ELAC2: variants seen among roughly 807,000 people sequenced by gnomAD.
ELAC2 encodes elaC ribonuclease Z 2, also known as zinc phosphodiesterase ELAC protein 2.
ELAC2 carries 92 observed loss-of-function variants against 105.2 expected under a neutral mutation model. The observed-to-expected ratio is 0.87, with a 90% CI of 0.74 to 1.04. ELAC2 has a LOEUF of 1.04. ELAC2 is among the 50% of genes least tolerant of loss of function. The pLI, the probability that ELAC2 is intolerant of heterozygous loss-of-function variation, is 0.00. For missense variants in ELAC2, 1,099 were observed against 1,071.7 expected, an observed-to-expected ratio of 1.03 and a Z score of -0.36; for synonymous variants, 468 against 409.1, an observed-to-expected ratio of 1.14 and a Z score of -1.74.
In ELAC2 at chr17:13,006,082, T is replaced by C. The variant is rs577585265; in HGVS notation, c.739-103A>G. 608 of 1,273,796 alleles carry C rather than the reference T, an allele frequency of 4.8e-4. 14 individuals carry two copies. In the South Asian group the frequency reaches 7.0e-3, roughly 15 times the overall value. The allele number at this position is 1,273,796 out of a possible 1,614,324, so 78.9% of individuals were successfully genotyped here. ...ATTTTTCTAGATTAAAAAAAAATAA[T>C]AATGTTGGCCAGGCACGGTGGCTCA... On this transcript the variant is annotated intron_variant, in intron 8 of 23. Transcript: ENST00000338034.
chr17:13,018,001 C>A lies in ELAC2; in HGVS notation c.-54G>T. On this transcript the variant is annotated 5_prime_UTR_variant, in exon 1 of 24. Coordinates refer to ENST00000338034, the MANE Select transcript of ELAC2 (RefSeq NM_018127.7). ...CCGCCGGTCACCTACGCCCGCGTTT[C>A]CCGTGCACCACCTAGCCGCTCCGCA... 2 of 1,533,724 alleles carry A rather than the reference C, an allele frequency of 1.3e-6. No individual in the cohort carries two copies. Among genetic ancestry groups the A allele is most frequent in the South Asian group, 1.2e-5 (1 of 83,798 alleles).
chr17:13,014,496 C>T lies in ELAC2; in HGVS notation c.433G>A (p.Glu145Lys), dbSNP rs1339770063. The change falls in exon 5 of 24, where the codon GAA (glutamate) becomes AAA (lysine). Residue 145 changes from glutamate to lysine, a missense_variant and splice_region_variant. By Grantham distance (56) the Glu-to-Lys change is moderately conservative (BLOSUM62 1). Coordinates refer to ENST00000338034, the MANE Select transcript of ELAC2 (RefSeq NM_018127.7). Reference protein sequence around the residue: ...KCVLSGPPQLEKYLEAIKIFS... With the variant: ...KCVLSGPPQLKKYLEAIKIFS... ...ATTTTGATTGCTTCGAGGTATTTTT[C>T]CTAATGAAAAACAAAGAAATGAGCA... 3 of 1,611,846 alleles carry T rather than the reference C, an allele frequency of 1.9e-6. No homozygotes were observed. Among genetic ancestry groups the T allele is most frequent in the Non-Finnish European group, 2.5e-6 (3 of 1,178,254 alleles).
rs199813028 is a variant in ELAC2 at position 12,995,099 on chromosome 17, G to A, written c.1809-37C>T. 10 of 1,607,418 alleles carry A rather than the reference G, an allele frequency of 6.2e-6. No individual in the cohort carries two copies. In the Admixed American group the frequency reaches 8.3e-5, roughly 13 times the overall value. Reference sequence around the variant, plus strand: ...CAAAACATTTAAAATGATAATAAACGTTTCTTGGACATCTGGAACCAAAGT... The same window carrying A: ...CAAAACATTTAAAATGATAATAAACATTTCTTGGACATCTGGAACCAAAGT... On this transcript the variant is annotated intron_variant, in intron 19 of 23. Coordinates refer to ENST00000338034, the MANE Select transcript of ELAC2 (RefSeq NM_018127.7).
At chr17:13,010,290 C>A (rs1270895815) in intron 8 of ELAC2, among the ~76,000 whole-genome samples, 1 of 152,086 alleles carries the variant, frequency 6.6e-6, no homozygotes, top group African/African-American at 2.4e-5. Context: ...CTTGCCTTGG[C>A]CTCTCAAGTA....
chr17:13,000,645 T>C (rs1473666886), intron 14 of ELAC2: 4 of 337,338 alleles, frequency 1.2e-5, no homozygotes, highest in Non-Finnish European at 2.3e-5. Context: ...CTCTGAGGGG[T>C]CAATGGTCCG....
intron 11 of ELAC2, 108 bp from the exon 12 acceptor site, chr17:13,003,682 T>C: frequency 1.0e-6 from 1 of 956,024 alleles, no homozygotes; most frequent in Non-Finnish European, 1.7e-6. Context: ...AGCACTGCAG[T>C]GAGCTGACAG....
chr17:13,017,749 TA>T lies in ELAC2; in HGVS notation c.198del (p.Ser67AlafsTer34). 1 of 1,611,824 alleles carries T rather than the reference TA, an allele frequency of 6.2e-7. No individual in the cohort carries two copies. Among genetic ancestry groups the T allele is most frequent in the Non-Finnish European group, 8.5e-7 (1 of 1,179,512 alleles). On this transcript the variant is annotated frameshift_variant, in exon 1 of 24. Coordinates refer to ENST00000338034, the MANE Select transcript of ELAC2 (RefSeq NM_018127.7). LOFTEE classifies it high-confidence loss of function. ...NTVYLQVVAA[G>X]SRDSGAALYV... is the part of the protein sequence containing the mutation. ...TAGAGCGCGGCGCCCGAGTCCCGGC[TA>T]CCCGCTGCCACCACCTGCAGGTACA...
Position 13,005,608 on chromosome 17 carries a change from G to C in ELAC2, c.870+145C>G. 7.4e-6 allele frequency: 6 copies of C among 810,656 alleles called. No individual in the cohort carries two copies. In the South Asian group the frequency reaches 8.4e-5, roughly 11 times the overall value. The allele number at this position is 810,656 out of a possible 1,614,324, so 50.2% of individuals were successfully genotyped here. On this transcript the variant is annotated intron_variant, in intron 10 of 23. Transcript: ENST00000338034. ...ATGCGGGACAAACACAGATAAAAGA[G>C]GCCATTTTATCACTTAGCTGAGTGA...
chr17:13,010,793 A>C (rs2041372949), intron 7 of ELAC2, 122 bp from the exon 8 acceptor site: 2 of 883,394 alleles, frequency 2.3e-6, no homozygotes, highest in African/African-American at 3.3e-5. Context: ...CTACTGTCCC[A>C]ATACAAAGGC....
chr17:13,013,393 G>T, intron 5 of ELAC2, 118 bp from the exon 6 acceptor site: 1 of 1,106,266 alleles, frequency 9.0e-7, no homozygotes, highest in African/African-American at 1.5e-5. Context: ...GTGGGAATCT[G>T]ACACGAAAAC....
chr17:12,994,712 C>T, intron 21 of ELAC2, 52 bp downstream of exon 21: 2 of 1,612,968 alleles, frequency 1.2e-6, no homozygotes, highest in African/African-American at 2.7e-5. Context: ...TCACCTCCAG[C>T]TACACAAACC....
intron 1 of ELAC2, 122 bp downstream of exon 1, chr17:13,017,581 C>A (rs1251758780): frequency 3.3e-6 from 5 of 1,522,166 alleles, no homozygotes; most frequent in African/African-American, 2.7e-5. Flanking sequence ...ACTCCACGAA[C>A]CCCCGCAACA....
At chr17:13,011,982 T>C (rs950319552) in intron 6 of ELAC2, among the ~76,000 whole-genome samples, 200 bp from the exon 7 acceptor site, 16 of 152,216 alleles carry the variant, frequency 1.1e-4, no homozygotes, top group African/African-American at 3.6e-4. Context: ...ATGTTTCTGC[T>C]TAGCTCACAG....
chr17:12,994,700 A>AGGGT (rs2040377682), intron 21 of ELAC2, 64 bp downstream of exon 21: 3 of 1,612,296 alleles, frequency 1.9e-6, no homozygotes, highest in African/African-American at 1.3e-5. Context: ...GCCCACCTGC[A>AGGGT]TTCACCTCCA....
At chr17:13,011,571 T>G in intron 7 of ELAC2, 92 bp downstream of exon 7, 1 of 1,602,856 alleles carries the variant, frequency 6.2e-7, no homozygotes, top group Non-Finnish European at 8.5e-7. Flanking sequence ...ACACCTGGCT[T>G]TCTTACAATA....
chr17:13,005,053 CA>C lies in ELAC2; in HGVS notation c.918del (p.Phe306LeufsTer4), dbSNP rs2143621715. Reference sequence around the variant, plus strand: ...CTTTCATCTGGACATTCTACCACCACAAAAGCAGCACCAGGATCTGGAGGAG... The same window carrying C: ...CTTTCATCTGGACATTCTACCACCACAAAGCAGCACCAGGATCTGGAGGAG... The part of the protein sequence containing the change: ...LCTPPDPGAA[F>X]VVVECPDESF... On this transcript the variant is annotated frameshift_variant, in exon 11 of 24. Transcript: ENST00000338034. LOFTEE classifies it high-confidence loss of function. 6.2e-7 allele frequency: 1 copy of C among 1,614,212 alleles called. No individual in the cohort carries two copies. Among genetic ancestry groups the C allele is most frequent in the African/African-American group, 1.3e-5 (1 of 75,054 alleles).
chr17:13,011,639 GCT>G (rs2041417319), intron 7 of ELAC2, 22 bp downstream of exon 7: 8 of 1,614,174 alleles, frequency 5.0e-6, no homozygotes, highest in African/African-American at 2.7e-5. Flanking sequence ...CCTTTCTGCT[GCT>G]CTGTTTTGTT....
chr17:13,001,179 T>C (rs546619395), intron 14 of ELAC2, among the ~76,000 whole-genome samples: 3 of 152,216 alleles, frequency 2.0e-5, no homozygotes, highest in Non-Finnish European at 4.4e-5. Flanking sequence ...GCAGGAAACT[T>C]AAAATCAAGG....
In ELAC2 at chr17:12,998,491, G is replaced by C. The variant is rs1474253067; in HGVS notation, c.1441C>G (p.Pro481Ala). ...PAPAEKRSQY[P>A]EIIFLGTGSA... ...CCTGTTCCAAGGAAGATGATTTCTG[G>C]GTACTGACTTCTTTTCTCTGTGAAA... is the stretch of plus-strand genomic sequence containing the variant. Residue 481 changes from proline (P) to alanine (A), a missense_variant, in exon 16 of 24, where the codon CCA becomes GCA. By Grantham distance (27) the Pro-to-Ala change is conservative. Transcript: ENST00000338034. 2 of 1,614,028 alleles carry C rather than the reference G, an allele frequency of 1.2e-6. No individual in the cohort carries two copies. The highest frequency in any genetic ancestry group is 1.7e-6 in the Non-Finnish European group (2 of 1,180,014).
Sources: allele counts gnomAD v4.1 joint callset (sites outside exome capture counted in the v4.1 genomes callset), GRCh38; gene constraint gnomAD v4.1.1; transcripts MANE v1.5; gene names NCBI Gene and HGNC (gene_info 2026-07-23, HGNC 2026-07-21).